SF3B1: variants seen among roughly 807,000 people sequenced by gnomAD.
SF3B1 encodes the protein pre-mRNA processing 10.
In SF3B1, 12 loss-of-function variants were observed where a neutral mutation model predicts 153.8. That is an observed-to-expected ratio of 0.08 (90% CI 0.05 to 0.13). The LOEUF (loss-of-function observed/expected upper bound fraction) is 0.13, where lower values mean the gene tolerates loss of function less well. Ranked by LOEUF, SF3B1 falls within the 10% of genes least tolerant of loss-of-function variation. SF3B1 has a pLI of 1.00. For missense variants in SF3B1, 513 were observed against 1,606.1 expected (o/e 0.32, Z 11.63); for synonymous variants, 498 against 525.2 (o/e 0.95, Z 0.71).
chr2:197,406,672 T>C (rs2084997320), intron 9 of SF3B1, among the ~76,000 whole-genome samples: 1 of 152,208 alleles, frequency 6.6e-6, no homozygotes, highest in Non-Finnish European at 1.5e-5. Context: ...CAACAGTAAG[T>C]TCTGTCTATC....
At chr2:197,394,967 A>G (rs543994403) in intron 23 of SF3B1, among the ~76,000 whole-genome samples, 2 of 152,354 alleles carry the variant, frequency 1.3e-5, no homozygotes, top group African/African-American at 4.8e-5. Context: ...ATCAAAGAGA[A>G]AAGAGAAAAA....
At chr2:197,429,147 T>C (rs1249611389) in intron 1 of SF3B1, among the ~76,000 whole-genome samples, 1 of 152,116 alleles carries the variant, frequency 6.6e-6, no homozygotes, top group Admixed American at 6.5e-5. Flanking sequence ...CCTAATCCCT[T>C]CCCAGTTTGG....
intron 11 of SF3B1, 109 bp from the exon 12 acceptor site, chr2:197,403,873 T>A: frequency 1.3e-6 from 1 of 761,270 alleles, no homozygotes; most frequent in South Asian, 2.0e-5. Flanking sequence ...AGTGTTTACT[T>A]TTACACACAT....
chr2:197,418,234 C>CAACAAAAAAAA (rs2085183200), intron 5 of SF3B1, among the ~76,000 whole-genome samples: 1 of 36,368 alleles, frequency 2.7e-5, no homozygotes, highest in Non-Finnish European at 5.5e-5. Flanking sequence ...AGACTGTGTC[C>CAACAAAAAAAA]AAAAAAAAAA....
At position 197,400,084 on chromosome 2, in the gene SF3B1, C is replaced by G; in HGVS notation, c.2984G>C (p.Gly995Ala). 1 of 1,613,184 alleles carries G rather than the reference C, an allele frequency of 6.2e-7. No homozygotes were observed. The change falls in exon 20 of 25, where the codon GGA (glycine) becomes GCA (alanine). Residue 995 changes from glycine to alanine, a missense_variant. By Grantham distance (60) the Gly-to-Ala change is moderately conservative (BLOSUM62 0). This residue lies in a region of SF3B1 where 17 missense variants were observed against 246.2 expected (regional missense o/e 0.07). Transcript: ENST00000335508. The surrounding 1 kb of genome is among the most constrained non-coding windows in gnomAD (Gnocchi z 5.0). ...EYPEVLGSILGALKAIVNVIG... is the reference protein window; with the variant it reads ...EYPEVLGSILAALKAIVNVIG... ...GACATTTACAATGGCCTTCAGTGCTCCAAGAATGCTGCCCAATACTTCAGG... is the reference window on the plus strand; with the variant it reads ...GACATTTACAATGGCCTTCAGTGCTGCAAGAATGCTGCCCAATACTTCAGG...
At chr2:197,392,521 A>G (rs2084820826) in intron 24 of SF3B1, 60 bp from the exon 25 acceptor site, 1 of 605,004 alleles carries the variant, frequency 1.7e-6, no homozygotes, top group Admixed American at 3.1e-5. Context: ...ACCTTAACAA[A>G]ATTAAGAAAA....
intron 11 of SF3B1, chr2:197,404,590 T>C (rs1002706673): frequency 2.6e-5 from 4 of 151,782 alleles, no homozygotes; most frequent in African/African-American, 9.7e-5. Context: ...AATATATATA[T>C]AATATTAATA....
chr2:197,424,010 T>C, intron 1 of SF3B1, 36 bp from the exon 2 acceptor site: 1 of 1,561,210 alleles, frequency 6.4e-7, no homozygotes, highest in Non-Finnish European at 8.7e-7. Context: ...TTAATTTCAC[T>C]TTCCAAAAGA....
chr2:197,419,035 C>T (rs2085198688), intron 4 of SF3B1: 1 of 1,078,558 alleles, frequency 9.3e-7, no homozygotes. Flanking sequence ...CTGTTAAAAT[C>T]CTGACTACAA....
chr2:197,404,368 C>T (rs2084966160), intron 11 of SF3B1, among the ~76,000 whole-genome samples: 1 of 151,966 alleles, frequency 6.6e-6, no homozygotes, highest in African/African-American at 2.4e-5. Flanking sequence ...TCATTTGAGG[C>T]CAGGAGTTCA....
intron 1 of SF3B1, 54 bp downstream of exon 1, chr2:197,434,918 G>A (rs933850049): frequency 3.2e-5 from 50 of 1,564,308 alleles, no homozygotes; most frequent in Non-Finnish European, 4.3e-5. Flanking sequence ...AGGAAAAAAG[G>A]CTTTTATTAG....
chr2:197,422,224 C>G (rs191298761), intron 2 of SF3B1, among the ~76,000 whole-genome samples: 3 of 151,840 alleles, frequency 2.0e-5, no homozygotes, highest in Non-Finnish European at 2.9e-5. Flanking sequence ...AGAAATTTCA[C>G]CTTTTGGGAT....
intron 9 of SF3B1, among the ~76,000 whole-genome samples, chr2:197,407,323 G>A (rs1010886034): frequency 6.6e-6 from 1 of 151,882 alleles, no homozygotes; most frequent in Non-Finnish European, 1.5e-5. Flanking sequence ...ATGATAAAAA[G>A]GCCAGGCACG....
chr2:197,432,479 T>C (rs1393017338), intron 1 of SF3B1, among the ~76,000 whole-genome samples: 3 of 152,246 alleles, frequency 2.0e-5, no homozygotes, highest in Non-Finnish European at 2.9e-5. Context: ...ATTCCAGTTC[T>C]TTTTATATTT....
intron 22 of SF3B1, among the ~76,000 whole-genome samples, chr2:197,396,851 T>C (rs941349880): frequency 5.3e-5 from 8 of 152,178 alleles, no homozygotes; most frequent in Non-Finnish European, 1.2e-4. Flanking sequence ...GGCTAAAAGC[T>C]TGCACAAAAG....
intron 6 of SF3B1, among the ~76,000 whole-genome samples, chr2:197,412,234 A>G (rs996575682): frequency 2.0e-5 from 3 of 152,050 alleles, no homozygotes; most frequent in Non-Finnish European, 2.9e-5. Flanking sequence ...AATTATAAGG[A>G]AAGGTGGGAA....
At chr2:197,419,282 G>T (rs1476881058) in intron 4 of SF3B1, 2 of 312,842 alleles carry the variant, frequency 6.4e-6, no homozygotes, top group Non-Finnish European at 1.2e-5. Flanking sequence ...GATGCACACA[G>T]AAGCAACGTG....
chr2:197,420,973 TCAGA>T, intron 3 of SF3B1, 52 bp downstream of exon 3: 3 of 1,060,424 alleles, frequency 2.8e-6, no homozygotes, highest in Middle Eastern at 2.0e-4. Context: ...CTATGGGAAC[TCAGA>T]CATTCACTTT....
chr2:197,432,858 C>T (rs543624556), intron 1 of SF3B1, among the ~76,000 whole-genome samples: 63 of 151,294 alleles, frequency 4.2e-4, no homozygotes, highest in East Asian at 9.7e-4. Context: ...AGAAAAAGAC[C>T]CTATCTCAAA....
Sources: allele counts gnomAD v4.1 joint callset (sites outside exome capture counted in the v4.1 genomes callset), GRCh38; gene constraint gnomAD v4.1.1; regional missense constraint gnomAD v4.1.1; non-coding constraint Gnocchi (gnomAD v3.1); transcripts MANE v1.5; gene names NCBI Gene and HGNC (gene_info 2026-07-23, HGNC 2026-07-21).